Variants in FOXP1 observed in about 807,000 individuals in gnomAD.
The protein encoded by FOXP1 is forkhead box P1.
A neutral mutation model predicts 98.2 loss-of-function variants in FOXP1; 15 were observed. The ratio of observed to expected loss-of-function variants is 0.15; its 90% CI spans 0.10 to 0.24. The LOEUF is 0.24. Ranked by LOEUF, FOXP1 falls within the 10% of genes least tolerant of loss-of-function variation. FOXP1 has a pLI of 1.00. For missense variants in FOXP1, 633 were observed against 848.5 expected (o/e 0.75, Z 3.15); for synonymous variants, 371 against 314.5 (o/e 1.18, Z -1.90).
At chr3:71,419,259 A>T (rs1386468791) in intron 3 of FOXP1, among the ~76,000 whole-genome samples, 1 of 150,616 alleles carries the variant, frequency 6.6e-6, no homozygotes, top group Non-Finnish European at 1.5e-5. Flanking sequence ...AAAAAAAAAA[A>T]AAAAGGGAGG....
In FOXP1 at chr3:71,563,131, G is replaced by A. The variant is rs74565292; in HGVS notation, c.-298+18418C>T. Reference sequence around the variant, plus strand: ...TGTGTATGTGTGTGACTGTGGCCAGGGAGTGGCTGGGGAGGAGCAAGCTGA... The same window carrying A: ...TGTGTATGTGTGTGACTGTGGCCAGAGAGTGGCTGGGGAGGAGCAAGCTGA... On this transcript the variant is annotated intron_variant, in intron 2 of 20. Transcript: ENST00000649528. Among the ~76,000 whole-genome samples the A allele has an allele frequency of 2.9e-4, 44 of 152,286 alleles. No individual in the cohort carries two copies. In the South Asian group the frequency reaches 8.9e-3, roughly 31 times the overall value.
chr3:71,041,655 G>C, intron 10 of FOXP1, 123 bp from the exon 11 acceptor site: 2 of 922,518 alleles, frequency 2.2e-6, no homozygotes, highest in Non-Finnish European at 3.4e-6. Context: ...GGTGTGTGCA[G>C]TTTTTTTTCC....
chr3:71,128,157 A>C (rs2059342973), intron 6 of FOXP1, among the ~76,000 whole-genome samples: 1 of 152,232 alleles, frequency 6.6e-6, no homozygotes, highest in East Asian at 1.9e-4. Context: ...AATCACGCAC[A>C]TCACTTCTTC....
intron 5 of FOXP1, among the ~76,000 whole-genome samples, chr3:71,261,663 T>C (rs916288380): frequency 1.6e-4 from 25 of 152,090 alleles, no homozygotes; most frequent in East Asian, 3.9e-4. Context: ...TCTCGAACAA[T>C]TGTGAAAACA....
intron 6 of FOXP1, among the ~76,000 whole-genome samples, chr3:71,135,799 C>A (rs376697108): frequency 5.9e-5 from 9 of 152,290 alleles, no homozygotes; most frequent in Admixed American, 4.6e-4. Context: ...CAAGTCAAGT[C>A]AAAGCACCTT....
At chr3:71,544,301 T>G (rs1184023073) in intron 2 of FOXP1, among the ~76,000 whole-genome samples, 1 of 151,010 alleles carries the variant, frequency 6.6e-6, no homozygotes, top group Non-Finnish European at 1.5e-5. Context: ...ATCTATAAAC[T>G]GCTATAGCAT....
chr3:70,986,725 A>G (rs578096948), intron 14 of FOXP1, among the ~76,000 whole-genome samples: 12 of 148,804 alleles, frequency 8.1e-5, no homozygotes, highest in African/African-American at 2.7e-4. Context: ...TAGCCTACAC[A>G]TCTAGTCCTA....
chr3:71,015,692 C>T, intron 11 of FOXP1, 39 bp from the exon 12 acceptor site: 1 of 1,401,886 alleles, frequency 7.1e-7, no homozygotes, highest in Non-Finnish European at 1.0e-6. Context: ...AATGAATTTG[C>T]TGCCAAGAAC....
intron 20 of FOXP1, among the ~76,000 whole-genome samples, chr3:70,962,865 A>G (rs1417891997): frequency 6.6e-6 from 1 of 152,178 alleles, no homozygotes; most frequent in Non-Finnish European, 1.5e-5. Context: ...ATAATTTTAG[A>G]CTTTGACCAA....
intron 6 of FOXP1, among the ~76,000 whole-genome samples, chr3:71,195,736 C>G (rs768554089): frequency 5.3e-5 from 8 of 152,176 alleles, no homozygotes; most frequent in Non-Finnish European, 8.8e-5. Flanking sequence ...GTGTGACTAC[C>G]GCAGTAATGA....
intron 5 of FOXP1, 40 bp from the exon 6 acceptor site, chr3:71,198,432 G>GGGGGGGGGGGGCC: frequency 4.1e-6 from 2 of 491,034 alleles, no homozygotes; most frequent in East Asian, 5.7e-5. Context: ...GGGAGGGGGG[G>GGGGGGGGGGGGCC]AGAAAAAAAA....
At chr3:71,141,104 T>C (rs576596698) in intron 6 of FOXP1, among the ~76,000 whole-genome samples, 1 of 151,750 alleles carries the variant, frequency 6.6e-6, no homozygotes, top group South Asian at 2.1e-4. Context: ...CCATCTTTAC[T>C]AAAATTACAA....
At chr3:71,126,871 C>CAAAAAAAAAAAAAAAAAAAAAAAAA (rs1230464030) in intron 6 of FOXP1, among the ~76,000 whole-genome samples, 1 of 77,144 alleles carries the variant, frequency 1.3e-5, no homozygotes, top group African/African-American at 4.8e-5. Flanking sequence ...AAAAAACAAA[C>CAAAAAAAAAAAAAAAAAAAAAAAAA]AAAAAAAAAA....
chr3:71,018,172 T>C (rs1417152234), intron 11 of FOXP1, among the ~76,000 whole-genome samples: 1 of 152,210 alleles, frequency 6.6e-6, no homozygotes, highest in Non-Finnish European at 1.5e-5. Context: ...CCTTCCTGTT[T>C]GTAGTTAACT....
chr3:71,279,299 G>A (rs2071262785), intron 5 of FOXP1, among the ~76,000 whole-genome samples: 2 of 151,622 alleles, frequency 1.3e-5, no homozygotes, highest in South Asian at 4.1e-4. Context: ...AATACACATA[G>A]CTTTTCACCC....
chr3:70,958,631 G>GAA lies in FOXP1; in HGVS notation c.*614_*615dup, dbSNP rs369074999. On this transcript the variant is annotated 3_prime_UTR_variant, in exon 21 of 21. Transcript: ENST00000649528. ...AGAACTTAAAATGGTATAGTAGAAG[G>GAA]AAAAAAAAAAAAAAAAAAAGCAATA... 26 of 98,896 alleles carry GAA rather than the reference G, an allele frequency of 2.6e-4. No homozygotes were observed. The highest frequency in any genetic ancestry group is 6.2e-4 in the Admixed American group (4 of 6,402). 6.1% of individuals were successfully genotyped at this position (98,896 alleles called of 1,614,324 possible). A position where few individuals can be genotyped will look rare whatever the true frequency, so the allele number is the denominator to read the frequency against.
In FOXP1 at chr3:70,959,195, T is replaced by C; in HGVS notation, c.*52A>G. On this transcript the variant is annotated 3_prime_UTR_variant, in exon 21 of 21. Transcript: ENST00000649528. The stretch of plus-strand genomic sequence containing the variant: ...TCACTGCTAACTTTTGACGTGTTTT[T>C]TTTTTTTTCCTTTTTCCAATCTTCA... The C allele has an allele frequency of 1.9e-6, 3 of 1,603,814 alleles. No homozygotes were observed. The highest frequency in any genetic ancestry group is 2.2e-5 in the South Asian group (2 of 90,338).
At chr3:71,126,707 C>T (rs146615571) in intron 6 of FOXP1, among the ~76,000 whole-genome samples, 1,868 of 151,306 alleles carry the variant, frequency 0.012, 25 homozygotes, top group Non-Finnish European at 0.017. Flanking sequence ...ACCTGTAGTC[C>T]CAGCTACTTA....
chr3:70,999,542 T>C (rs973868855), intron 13 of FOXP1, among the ~76,000 whole-genome samples: 1 of 152,238 alleles, frequency 6.6e-6, no homozygotes, highest in Non-Finnish European at 1.5e-5. Context: ...TGATGTGCCC[T>C]TTTCTTGTAT....
Sources: gnomAD v4.1 joint callset for allele counts (sites outside exome capture counted in the v4.1 genomes callset) on GRCh38, gnomAD v4.1.1 for gene constraint, MANE v1.5 for transcripts, NCBI Gene and HGNC (gene_info 2026-07-23, HGNC 2026-07-21) for gene names.